ANKUB1: variants seen among roughly 807,000 people sequenced by gnomAD.
ANKUB1 encodes the protein ankyrin repeat and ubiquitin domain containing 1.
Under a neutral mutation model 49.3 loss-of-function variants are expected in ANKUB1, and 42 were observed. The observed-to-expected ratio is 0.85, with a 90% confidence interval of 0.67 to 1.10. The LOEUF is 1.10. Ranked by LOEUF, ANKUB1 falls within the 50% of genes least tolerant of loss-of-function variation. The probability of loss-of-function intolerance (pLI) is 0.00; values close to 1 mark genes in which losing one functional copy is unlikely to be tolerated. For missense variants in ANKUB1, 613 were observed against 642.0 expected (o/e 0.95, Z 0.49); for synonymous variants, 222 against 231.0 (o/e 0.96, Z 0.35).
intron 3 of ANKUB1, among the ~76,000 whole-genome samples, chr3:149,774,458 G>A (rs931542926): frequency 8.5e-5 from 13 of 152,172 alleles, no homozygotes; most frequent in African/African-American, 3.1e-4. Context: ...ACCTTCCCCT[G>A]CTGGATGTCT....
At chr3:149,770,810 A>T in intron 3 of ANKUB1, 136 bp from the exon 4 acceptor site, 1 of 609,444 alleles carries the variant, frequency 1.6e-6, no homozygotes, top group South Asian at 2.2e-5. Flanking sequence ...GAACAAGGAG[A>T]CAGGGATGGT....
intron 3 of ANKUB1, among the ~76,000 whole-genome samples, chr3:149,772,319 C>G (rs1717403258): frequency 6.6e-6 from 1 of 152,170 alleles, no homozygotes; most frequent in Admixed American, 6.5e-5. Context: ...TTGCGCCCGG[C>G]ATCCTTCTCA....
In ANKUB1 at chr3:149,767,718, T is replaced by G; in HGVS notation, c.944A>C (p.Lys315Thr). Residue 315 changes from lysine (K) to threonine (T), a missense_variant, in exon 5 of 6, where the codon AAA (lysine) becomes ACA (threonine). Physicochemically the swap from Lys to Thr is moderately conservative, Grantham distance 78 (BLOSUM62 -1). Transcript: ENST00000446160. Reference sequence around the variant, plus strand: ...AGCTCTGAGGATCCATTGTTTTATTTTAATATAAATCCTCATTGGGACTGA... The same window carrying G: ...AGCTCTGAGGATCCATTGTTTTATTGTAATATAAATCCTCATTGGGACTGA... ...KISVPMRIYIKIKQWILRAQS... is the reference protein window; with the variant it reads ...KISVPMRIYITIKQWILRAQS... The G allele has an allele frequency of 1.3e-6, 2 of 1,551,660 alleles. No individual in the cohort carries two copies. The highest frequency in any genetic ancestry group is 1.7e-6 in the Non-Finnish European group (2 of 1,146,980).
At chr3:149,786,813 C>T (rs1316952410) in intron 2 of ANKUB1, among the ~76,000 whole-genome samples, 4 of 152,252 alleles carry the variant, frequency 2.6e-5, no homozygotes, top group South Asian at 4.1e-4. Flanking sequence ...TTCCCAGCAC[C>T]ATTTATTAAA....
chr3:149,788,386 C>T (rs1347604215), intron 2 of ANKUB1, among the ~76,000 whole-genome samples: 1 of 150,984 alleles, frequency 6.6e-6, no homozygotes, highest in South Asian at 2.1e-4. Flanking sequence ...GAATAAACTC[C>T]TCTTTTTTTT....
intron 2 of ANKUB1, among the ~76,000 whole-genome samples, chr3:149,785,948 C>T (rs1172587736): frequency 6.6e-6 from 1 of 152,210 alleles, no homozygotes; most frequent in Non-Finnish European, 1.5e-5. Context: ...TTAATGATCA[C>T]CGTTCTAACT....
In ANKUB1 at chr3:149,767,772, A is replaced by G; in HGVS notation, c.890T>C (p.Met297Thr). Residue 297 changes from methionine (M) to threonine (T), a missense_variant, in exon 5 of 6, where the codon ATG (methionine) becomes ACG (threonine). By Grantham distance (81) the Met-to-Thr change is moderately conservative (BLOSUM62 -1). Coordinates refer to ENST00000446160, the MANE Select transcript of ANKUB1 (RefSeq NM_001144960.3). ...KDCVLYLLSK[M>T]WSTVSFPKIS... ...TTTTGGAAAAGAAACTGTGGACCAC[A>G]TTTTACTGAGCAAATATAATACACA... is the stretch of plus-strand genomic sequence containing the variant. 1 of 1,551,686 alleles carries G rather than the reference A, an allele frequency of 6.4e-7. No individual in the cohort carries two copies. The highest frequency in any genetic ancestry group is 2.4e-5 in the East Asian group (1 of 40,916).
intron 5 of ANKUB1, among the ~76,000 whole-genome samples, chr3:149,766,380 A>G (rs1400312982): frequency 1.3e-5 from 2 of 152,144 alleles, no homozygotes; most frequent in African/African-American, 2.4e-5. Flanking sequence ...TTAGTTTTCT[A>G]TGACACTTTT....
intron 3 of ANKUB1, chr3:149,778,885 G>A (rs948613014): frequency 2.0e-5 from 3 of 152,196 alleles, no homozygotes; most frequent in African/African-American, 7.2e-5. Flanking sequence ...AAAGCCCTAT[G>A]TATATGTTGG....
intron 2 of ANKUB1, chr3:149,783,647 T>C (rs537972800): frequency 1.3e-5 from 2 of 152,350 alleles, no homozygotes; most frequent in East Asian, 3.9e-4. Flanking sequence ...AAGTTCTGCT[T>C]TTTTATATTT....
At chr3:149,762,390 A>G (rs1470077506) in intron 5 of ANKUB1, among the ~76,000 whole-genome samples, 1 of 152,176 alleles carries the variant, frequency 6.6e-6, no homozygotes, top group African/African-American at 2.4e-5. Flanking sequence ...CCTTGTTCTA[A>G]CACTTCGATT....
At chr3:149,775,094 G>A (rs145427096) in intron 3 of ANKUB1, among the ~76,000 whole-genome samples, 16 of 152,228 alleles carry the variant, frequency 1.1e-4, no homozygotes, top group East Asian at 3.9e-4. Flanking sequence ...GCTTGCAAAC[G>A]TATCTACTAT....
chr3:149,790,666 A>G (rs1718319546), intron 2 of ANKUB1, 115 bp downstream of exon 2: 1 of 1,054,604 alleles, frequency 9.5e-7, no homozygotes, highest in South Asian at 1.7e-5. Flanking sequence ...AAGTGAGGAG[A>G]AGGCAAAAAG....
At chr3:149,782,872 G>T (rs1423897145) in intron 2 of ANKUB1, among the ~76,000 whole-genome samples, 1 of 152,104 alleles carries the variant, frequency 6.6e-6, no homozygotes, top group Non-Finnish European at 1.5e-5. Context: ...AATAAAAAGT[G>T]CAAGGAAGAA....
chr3:149,775,720 T>C (rs1021022772), intron 3 of ANKUB1, among the ~76,000 whole-genome samples: 2 of 152,140 alleles, frequency 1.3e-5, no homozygotes, highest in Admixed American at 1.3e-4. Flanking sequence ...AGGTACTCCT[T>C]GTTTCAGAAA....
chr3:149,776,018 AAGTT>A (rs1203236970), intron 3 of ANKUB1, among the ~76,000 whole-genome samples: 2 of 152,110 alleles, frequency 1.3e-5, no homozygotes, highest in South Asian at 2.1e-4. Flanking sequence ...GATTTATGAT[AAGTT>A]AGTCATTAGA....
chr3:149,763,362 A>T (rs570849633), intron 5 of ANKUB1, among the ~76,000 whole-genome samples: 1 of 152,332 alleles, frequency 6.6e-6, no homozygotes. Flanking sequence ...TTCTGCATTC[A>T]TTCAAAAACT....
chr3:149,790,349 A>T (rs1180846844), intron 2 of ANKUB1, among the ~76,000 whole-genome samples: 1 of 152,136 alleles, frequency 6.6e-6, no homozygotes, highest in Non-Finnish European at 1.5e-5. Flanking sequence ...CTTTGGCTGG[A>T]TTTGGATGTA....
chr3:149,764,808 T>G (rs900681565), intron 5 of ANKUB1, among the ~76,000 whole-genome samples: 4 of 151,820 alleles, frequency 2.6e-5, no homozygotes, highest in Non-Finnish European at 4.4e-5. Context: ...AATTTCTTTC[T>G]TGACCTTGAA....
Sources: gnomAD v4.1 joint callset for allele counts (sites outside exome capture counted in the v4.1 genomes callset) on GRCh38, gnomAD v4.1.1 for gene constraint, MANE v1.5 for transcripts, NCBI Gene and HGNC (gene_info 2026-07-23, HGNC 2026-07-21) for gene names.